PHF14: variants seen among roughly 807,000 people sequenced by gnomAD.
PHF14 encodes PHD finger protein 14.
A neutral mutation model predicts 117.9 loss-of-function variants in PHF14; 55 were observed. That is an observed-to-expected ratio of 0.47 (90% CI 0.38 to 0.58). The LOEUF is 0.58. Ranked by LOEUF, PHF14 falls within the 20% of genes least tolerant of loss-of-function variation. The pLI is 0.00. For synonymous variants in PHF14, 409 were observed against 368.6 expected, an observed-to-expected ratio of 1.11 and a Z score of -1.26; for missense variants, 978 against 1,122.2, an observed-to-expected ratio of 0.87 and a Z score of 1.84.
In PHF14 at chr7:11,133,385, T is replaced by C. The variant is rs1788136526; in HGVS notation, c.2772+21918T>C. 4.6e-5 allele frequency among the ~76,000 whole-genome samples: 7 copies of C among 151,898 alleles called. 1 individual carries two copies. The South Asian group carries it at 1.4e-3, about 31-fold the overall frequency. ...TGAAACAGAATAGAGAGCCCAGAGA[T>C]AGACCCACATAAGTATAGTTAACTG... On this transcript the variant is annotated intron_variant, in intron 17 of 17. Transcript: ENST00000634607.
intron 17 of PHF14, among the ~76,000 whole-genome samples, chr7:11,117,318 T>G (rs1184061445): frequency 6.6e-6 from 1 of 151,860 alleles, no homozygotes; most frequent in Non-Finnish European, 1.5e-5. Flanking sequence ...TGGTTCAGTC[T>G]TATTTGATCT....
intron 16 of PHF14, among the ~76,000 whole-genome samples, chr7:11,070,240 G>C (rs1785568462): frequency 1.3e-5 from 2 of 152,112 alleles, no homozygotes; most frequent in Non-Finnish European, 2.9e-5. Context: ...ACCATGCCCA[G>C]CTGATTTTTT....
In PHF14 at chr7:11,036,579, C is replaced by T. The variant is rs1009214014; in HGVS notation, c.1764C>T (p.Ile588=). ...TGCGGAAAGCAGAACTCATGGGGAT[C>T]AGTACAGATATCTTTCCAGTGGACA... ...KLMRKAELMG[I]STDIFPVDNS... is the part of the protein sequence containing the mutation. Residue 588 remains isoleucine, a synonymous_variant, in exon 9 of 18, where the codon ATC becomes ATT. Transcript: ENST00000634607. 16 of 1,613,728 alleles carry T rather than the reference C, an allele frequency of 9.9e-6. No homozygotes were observed. The highest frequency in any genetic ancestry group is 1.3e-5 in the African/African-American group (1 of 74,900).
At chr7:11,016,197 A>G (rs554150496) in intron 5 of PHF14, among the ~76,000 whole-genome samples, 5 of 152,260 alleles carry the variant, frequency 3.3e-5, no homozygotes, top group Admixed American at 2.6e-4. Flanking sequence ...CACTTGTGCT[A>G]ATGTCTACAC....
chr7:11,024,786 C>G (rs1783854233), intron 6 of PHF14, among the ~76,000 whole-genome samples: 1 of 152,210 alleles, frequency 6.6e-6, no homozygotes, highest in African/African-American at 2.4e-5. Flanking sequence ...CCCAAGAGCT[C>G]TGATGAAGTA....
chr7:11,137,840 C>T (rs1404963081), intron 17 of PHF14, among the ~76,000 whole-genome samples: 1 of 151,916 alleles, frequency 6.6e-6, no homozygotes, highest in Non-Finnish European at 1.5e-5. Flanking sequence ...CCCACCTCGG[C>T]CTCCCTAAAG....
Position 10,982,517 on chromosome 7 carries a change from G to T in PHF14, c.258G>T (p.Glu86Asp). 11 of 1,543,100 alleles carry T rather than the reference G, an allele frequency of 7.1e-6. No homozygotes were observed. The highest frequency in any genetic ancestry group is 9.7e-6 in the Non-Finnish European group (11 of 1,131,908). ...VKEEQLKNSA[E>D]EEVLSSEKQL... ...AAGAACAACTTAAAAATTCTGCAGA[G>T]GAAGAAGTACTATCATCAGAAAAAC... The change falls in exon 3 of 18, where the codon GAG (glutamate) becomes GAT (aspartate). Residue 86 changes from glutamate (E) to aspartate (D), a missense_variant. By Grantham distance (45) the Glu-to-Asp change is conservative (BLOSUM62 2). Coordinates refer to ENST00000634607, the MANE Select transcript of PHF14 (RefSeq NM_001007157.2).
At chr7:11,039,011 C>G (rs1784413049) in intron 11 of PHF14, among the ~76,000 whole-genome samples, 156 bp downstream of exon 11, 1 of 152,138 alleles carries the variant, frequency 6.6e-6, no homozygotes, top group Non-Finnish European at 1.5e-5. Flanking sequence ...TGAAATACAC[C>G]TAGAGCATTG....
At chr7:11,051,943 C>G (rs1441833657) in intron 14 of PHF14, among the ~76,000 whole-genome samples, 163 bp downstream of exon 14, 1 of 152,078 alleles carries the variant, frequency 6.6e-6, no homozygotes, top group Non-Finnish European at 1.5e-5. Context: ...ATACCACATG[C>G]TTACCTGAGT....
chr7:11,079,298 A>G (rs769124727), intron 16 of PHF14, among the ~76,000 whole-genome samples: 2 of 152,172 alleles, frequency 1.3e-5, no homozygotes, highest in Non-Finnish European at 2.9e-5. Context: ...GCCATGGCAT[A>G]TAAGCTGAGC....
At chr7:11,078,030 T>G (rs1785932519) in intron 16 of PHF14, among the ~76,000 whole-genome samples, 1 of 152,130 alleles carries the variant, frequency 6.6e-6, no homozygotes, top group African/African-American at 2.4e-5. Context: ...AATGCCTGAG[T>G]ATATGTGGCA....
chr7:11,011,857 G>A (rs982418965), intron 4 of PHF14, among the ~76,000 whole-genome samples: 1 of 152,108 alleles, frequency 6.6e-6, no homozygotes, highest in African/African-American at 2.4e-5. Flanking sequence ...GTAGAGAAGT[G>A]TACTTCATTG....
intron 14 of PHF14, 89 bp downstream of exon 14, chr7:11,051,869 C>G (rs1261390616): frequency 9.4e-7 from 1 of 1,069,330 alleles, no homozygotes; most frequent in East Asian, 2.5e-5. Flanking sequence ...AACATATACT[C>G]AGAAGTCAAA....
chr7:11,050,397 T>G (rs564126526), intron 13 of PHF14, among the ~76,000 whole-genome samples: 36 of 152,314 alleles, frequency 2.4e-4, no homozygotes, highest in Admixed American at 5.2e-4. Context: ...TCTTTTACAT[T>G]TGAAGAAAAT....
Position 11,147,789 on chromosome 7 carries a change from T to G in PHF14, c.2773-21627T>G, listed in dbSNP as rs150113841. Among the ~76,000 whole-genome samples the G allele has an allele frequency of 1.8e-4, 27 of 152,288 alleles. No homozygotes were observed. The East Asian group carries it at 3.3e-3, about 19-fold the overall frequency. On this transcript the variant is annotated intron_variant, in intron 17 of 17. Transcript: ENST00000634607. ...GTGATTGCATGCAGTTGTACCTGTATTTGGGGGACTTTTAAATGTGTAATA... is the reference window on the plus strand; with the variant it reads ...GTGATTGCATGCAGTTGTACCTGTAGTTGGGGGACTTTTAAATGTGTAATA...
At chr7:11,058,998 A>C (rs967354157) in intron 14 of PHF14, among the ~76,000 whole-genome samples, 7 of 152,150 alleles carry the variant, frequency 4.6e-5, no homozygotes, top group African/African-American at 1.7e-4. Context: ...TATTACATGA[A>C]TATATCAGCG....
chr7:11,116,658 A>G (rs181796722), intron 17 of PHF14, among the ~76,000 whole-genome samples: 67 of 151,922 alleles, frequency 4.4e-4, no homozygotes, highest in African/African-American at 1.5e-3. Context: ...TCATTTGATA[A>G]CTTTTAAACT....
chr7:11,012,078 C>T (rs768674652), intron 4 of PHF14, among the ~76,000 whole-genome samples: 3 of 152,020 alleles, frequency 2.0e-5, no homozygotes, highest in Non-Finnish European at 2.9e-5. Flanking sequence ...TCTAAGATAC[C>T]GGCAGCCTCA....
intron 16 of PHF14, among the ~76,000 whole-genome samples, chr7:11,088,360 G>A (rs4720934): frequency 6.6e-6 from 1 of 151,800 alleles, no homozygotes; most frequent in Non-Finnish European, 1.5e-5. Flanking sequence ...AGGGCAGACT[G>A]TATTAACTTC....
Sources: gnomAD v4.1 joint callset for allele counts (sites outside exome capture counted in the v4.1 genomes callset) on GRCh38, gnomAD v4.1.1 for gene constraint, MANE v1.5 for transcripts, NCBI Gene and HGNC (gene_info 2026-07-23, HGNC 2026-07-21) for gene names.